Variants in COLGALT2 observed in about 807,000 individuals in gnomAD.
COLGALT2 encodes collagen beta(1-O)galactosyltransferase 2, also known as procollagen galactosyltransferase 2.
COLGALT2 carries 49 observed loss-of-function variants against 73.4 expected under a neutral mutation model. The observed-to-expected ratio is 0.67, with a 90% CI of 0.53 to 0.85. The LOEUF is 0.85. Among genes scored for constraint, COLGALT2 ranks in the 40% least tolerant of loss-of-function variants. The pLI, the probability that COLGALT2 is intolerant of heterozygous loss-of-function variation, is 0.00. For synonymous variants in COLGALT2, 295 were observed against 307.6 expected (o/e 0.96, Z 0.43); for missense variants, 722 against 790.2 (o/e 0.91, Z 1.03).
chr1:183,936,262 G>A lies in COLGALT2; in HGVS notation c.*2499C>T, dbSNP rs1286904500. On this transcript the variant is annotated 3_prime_UTR_variant, in exon 12 of 12. Coordinates refer to ENST00000361927, the MANE Select transcript of COLGALT2 (RefSeq NM_015101.4). Reference sequence around the variant, plus strand: ...GGCTTAGGACTATAAGGGAGAGATAGGACAAATAATGAGGTCAAGGAACCT... The same window carrying A: ...GGCTTAGGACTATAAGGGAGAGATAAGACAAATAATGAGGTCAAGGAACCT... 22 of 985,552 alleles carry A rather than the reference G, an allele frequency of 2.2e-5. No individual in the cohort carries two copies. The highest frequency in any genetic ancestry group is 2.5e-5 in the Non-Finnish European group (21 of 829,938). 61.1% of individuals were successfully genotyped at this position (985,552 alleles called of 1,614,324 possible). A position where few individuals can be genotyped will look rare whatever the true frequency, so the allele number is the denominator to read the frequency against.
rs566168739 is a variant in COLGALT2, at chr1:183,997,599, T to C, written c.264-19079A>G. 1.2e-4 allele frequency among the ~76,000 whole-genome samples: 18 copies of C among 152,330 alleles called. No homozygotes were observed. The South Asian group carries it at 3.7e-3, about 32-fold the overall frequency. On this transcript the variant is annotated intron_variant, in intron 1 of 11. Transcript: ENST00000361927. ...AAAAATTGCAAAAACAACCTCATAA[T>C]GTTTCAAGAAAGTTTACAAATTTGT...
At chr1:184,010,986 T>C (rs1672219804) in intron 1 of COLGALT2, among the ~76,000 whole-genome samples, 2 of 152,080 alleles carry the variant, frequency 1.3e-5, no homozygotes, top group African/African-American at 2.4e-5. Context: ...AAGGCCTGTT[T>C]TTAATTCTCA....
chr1:184,020,805 T>A lies in COLGALT2; in HGVS notation c.263+16290A>T, dbSNP rs1009721747. ...TCTCAAACAGTAACATTTATTATGT[T>A]CTTAGATTGTATGGGTCAAGCCCTT... On this transcript the variant is annotated intron_variant, in intron 1 of 11. Coordinates refer to ENST00000361927, the MANE Select transcript of COLGALT2 (RefSeq NM_015101.4). 3.9e-5 allele frequency among the ~76,000 whole-genome samples: 6 copies of A among 152,154 alleles called. No homozygotes were observed. In the East Asian group the frequency reaches 1.2e-3, roughly 29 times the overall value.
chr1:184,035,362 C>G (rs556412140), intron 1 of COLGALT2, among the ~76,000 whole-genome samples: 1 of 152,314 alleles, frequency 6.6e-6, no homozygotes. Flanking sequence ...ATAAACAACT[C>G]AAGTCTCCTA....
downstream of COLGALT2, among the ~76,000 whole-genome samples, chr1:183,935,251 G>A (rs1422181654): frequency 6.6e-6 from 1 of 152,140 alleles, no homozygotes; most frequent in Admixed American, 6.5e-5. Context: ...CATCCTGTTT[G>A]GCAGCCACCT....
At chr1:184,024,954 C>T (rs1340330430) in intron 1 of COLGALT2, among the ~76,000 whole-genome samples, 1 of 152,216 alleles carries the variant, frequency 6.6e-6, no homozygotes, top group Non-Finnish European at 1.5e-5. Flanking sequence ...AGGTTCCATG[C>T]TTTCCAGAGG....
At chr1:184,017,639 T>C (rs1451679083) in intron 1 of COLGALT2, among the ~76,000 whole-genome samples, 1 of 152,122 alleles carries the variant, frequency 6.6e-6, no homozygotes, top group South Asian at 2.1e-4. Flanking sequence ...AGAGGGGAAG[T>C]TGGCTAAGTG....
intron 1 of COLGALT2, among the ~76,000 whole-genome samples, chr1:184,024,714 C>T (rs1337209085): frequency 1.4e-5 from 2 of 144,126 alleles, no homozygotes; most frequent in African/African-American, 5.2e-5. Flanking sequence ...TCTAAACATA[C>T]AAGTATCAGG....
Position 183,936,692 on chromosome 1 carries a change from G to C in COLGALT2, c.*2069C>G. ...AACCAGATACCCAAGGAAATCTTAG[G>C]AATCACCTAAGGAATTTTCACTCGC... On this transcript the variant is annotated 3_prime_UTR_variant, in exon 12 of 12. Coordinates refer to ENST00000361927, the MANE Select transcript of COLGALT2 (RefSeq NM_015101.4). The C allele has an allele frequency of 8.1e-7, 1 of 1,229,440 alleles. No homozygotes were observed. Among genetic ancestry groups the C allele is most frequent in the South Asian group, 4.3e-5 (1 of 23,458 alleles). 76.2% of individuals were successfully genotyped at this position (1,229,440 alleles called of 1,614,324 possible). A position where few individuals can be genotyped will look rare whatever the true frequency, so the allele number is the denominator to read the frequency against.
intron 6 of COLGALT2, among the ~76,000 whole-genome samples, chr1:183,959,178 G>C (rs986223471): frequency 3.7e-4 from 57 of 152,046 alleles, no homozygotes; most frequent in African/African-American, 1.3e-3. Context: ...TAGCTCTCTG[G>C]CTGTTTTGTC....
At position 183,957,965 on chromosome 1, in the gene COLGALT2, G is replaced by T. The variant is rs994932440; in HGVS notation, c.953-3127C>A. On this transcript the variant is annotated intron_variant, in intron 6 of 11. Transcript: ENST00000361927. ...CTCAAAATGTCAATACTGAGAGCAG[G>T]TACCTGAGACTTCCTATCACCTTAT... 2.0e-5 allele frequency among the ~76,000 whole-genome samples: 3 copies of T among 151,924 alleles called. No homozygotes were observed. In the East Asian group the frequency reaches 5.8e-4, roughly 29 times the overall value.
chr1:183,958,975 C>A (rs1231051314), intron 6 of COLGALT2, among the ~76,000 whole-genome samples: 1 of 152,080 alleles, frequency 6.6e-6, no homozygotes, highest in Non-Finnish European at 1.5e-5. Flanking sequence ...TCAGCTTTCT[C>A]ATCTCCCCAT....
chr1:184,023,203 CAA>C (rs1345067166), intron 1 of COLGALT2, among the ~76,000 whole-genome samples: 1 of 152,280 alleles, frequency 6.6e-6, no homozygotes, highest in East Asian at 1.9e-4. Flanking sequence ...CATATAAACT[CAA>C]ACTCAGGAGA....
chr1:183,968,301 G>T (rs1233259927), intron 5 of COLGALT2, among the ~76,000 whole-genome samples: 1 of 152,244 alleles, frequency 6.6e-6, no homozygotes, highest in East Asian at 1.9e-4. Flanking sequence ...TAGATGCCAT[G>T]TGTCTTGCTG....
chr1:183,955,099 C>T (rs1670516260), intron 6 of COLGALT2, among the ~76,000 whole-genome samples: 1 of 152,072 alleles, frequency 6.6e-6, no homozygotes, highest in Non-Finnish European at 1.5e-5. Context: ...ATTTGGGAGG[C>T]AGTTTAGGAT....
chr1:183,965,946 G>A (rs921906108), intron 5 of COLGALT2, among the ~76,000 whole-genome samples: 1 of 152,170 alleles, frequency 6.6e-6, no homozygotes, highest in Admixed American at 6.5e-5. Context: ...GGGCAAAAAG[G>A]AAGAAAAAGA....
At chr1:183,997,554 C>T (rs1268939357) in intron 1 of COLGALT2, among the ~76,000 whole-genome samples, 6 of 152,270 alleles carry the variant, frequency 3.9e-5, no homozygotes, top group East Asian at 1.9e-4. Context: ...TTAACACTAA[C>T]GATAGCTGAT....
In COLGALT2 at chr1:183,938,083, T is replaced by C; in HGVS notation, c.*678A>G. 2.0e-6 allele frequency: 2 copies of C among 985,470 alleles called. No homozygotes were observed. Among genetic ancestry groups the C allele is most frequent in the Non-Finnish European group, 2.4e-6 (2 of 829,986 alleles). 61.0% of individuals were successfully genotyped at this position (985,470 alleles called of 1,614,324 possible). ...AAACTGTCAAATATCTACTAAATTA[T>C]ATCCACATGGCAAACTGGTCACCTC... On this transcript the variant is annotated 3_prime_UTR_variant, in exon 12 of 12. Transcript: ENST00000361927.
rs79957178 is a variant in COLGALT2, at chr1:183,945,443, C to T, written c.1258G>A (p.Val420Ile). ...AAAGCATTATTTACCTCTTTCCAGACTGAGTAGTGGCTGAGAAAGCAGCCG... is the reference window on the plus strand; with the variant it reads ...AAAGCATTATTTACCTCTTTCCAGATTGAGTAGTGGCTGAGAAAGCAGCCG... ...EIGCFLSHYS[V>I]WKEVIDRELE... Residue 420 changes from valine to isoleucine, a missense_variant, in exon 9 of 12, where the codon GTC becomes ATC. Coordinates refer to ENST00000361927, the MANE Select transcript of COLGALT2 (RefSeq NM_015101.4). 1,616 of 1,614,088 alleles carry T rather than the reference C, an allele frequency of 1.0e-3. 28 individuals carry two copies. In the East Asian group the frequency reaches 0.03, roughly 30 times the overall value.
Sources: gnomAD v4.1 joint callset for allele counts (sites outside exome capture counted in the v4.1 genomes callset) on GRCh38, gnomAD v4.1.1 for gene constraint, MANE v1.5 for transcripts, NCBI Gene and HGNC (gene_info 2026-07-23, HGNC 2026-07-21) for gene names.